The following RARB variants were observed in gnomAD, a reference collection of about 807,000 sequenced individuals.
RARB encodes HBV-activated protein.
RARB carries 17 observed loss-of-function variants against 51.9 expected under a neutral mutation model. That is an observed-to-expected ratio of 0.33 (90% CI 0.22 to 0.49). RARB has a LOEUF of 0.49. RARB is among the 20% of genes least tolerant of loss of function. The pLI is 0.99. For synonymous variants in RARB, 215 were observed against 195.4 expected, an observed-to-expected ratio of 1.10 and a Z score of -0.84; for missense variants, 369 against 550.8, an observed-to-expected ratio of 0.67 and a Z score of 3.30.
intron 2 of RARB, among the ~76,000 whole-genome samples, chr3:24,865,795 C>T (rs924130317): frequency 6.6e-6 from 1 of 152,170 alleles, no homozygotes; most frequent in Non-Finnish European, 1.5e-5. Flanking sequence ...TCTATTGCAG[C>T]ATGAATGGGT....
chr3:25,230,810 G>A (rs1270277821), intron 5 of RARB, among the ~76,000 whole-genome samples: 1 of 152,006 alleles, frequency 6.6e-6, no homozygotes, highest in Non-Finnish European at 1.5e-5. Context: ...CTAGCCACTT[G>A]TAGCTATTGA....
intron 3 of RARB, among the ~76,000 whole-genome samples, chr3:25,568,085 G>T (rs1700570433): frequency 6.6e-6 from 1 of 152,180 alleles, no homozygotes; most frequent in Non-Finnish European, 1.5e-5. Context: ...GGGCCAGTCT[G>T]CACTGGGAAA....
intron 5 of RARB, among the ~76,000 whole-genome samples, chr3:25,581,982 G>A (rs150615670): frequency 1.3e-5 from 2 of 152,140 alleles, no homozygotes; most frequent in Non-Finnish European, 1.5e-5. Flanking sequence ...GGTCACAGAT[G>A]GGGGTGGTGC....
chr3:25,050,758 C>G (rs1342782280), intron 2 of RARB, among the ~76,000 whole-genome samples: 2 of 152,184 alleles, frequency 1.3e-5, no homozygotes, highest in Non-Finnish European at 2.9e-5. Flanking sequence ...CTCCCCCATT[C>G]TCCAATATAG....
chr3:25,202,081 G>A (rs1701407141), intron 5 of RARB, among the ~76,000 whole-genome samples: 1 of 152,104 alleles, frequency 6.6e-6, no homozygotes, highest in Non-Finnish European at 1.5e-5. Context: ...TTTTTGGTTG[G>A]TAAGCTATTA....
At chr3:25,159,132 CAAG>C (rs1700429855) in intron 4 of RARB, among the ~76,000 whole-genome samples, 1 of 148,604 alleles carries the variant, frequency 6.7e-6, no homozygotes, top group Non-Finnish European at 1.5e-5. Flanking sequence ...TGATTTCTCC[CAAG>C]AAAACTGTTC....
chr3:25,397,617 T>A (rs1278415422), intron 5 of RARB, among the ~76,000 whole-genome samples: 1 of 152,206 alleles, frequency 6.6e-6, no homozygotes, highest in Non-Finnish European at 1.5e-5. Flanking sequence ...GTACTTTGCT[T>A]TTTAAAACCC....
intron 2 of RARB, among the ~76,000 whole-genome samples, chr3:24,958,400 A>G (rs1208482236): frequency 6.8e-6 from 1 of 146,898 alleles, no homozygotes; most frequent in South Asian, 2.1e-4. Flanking sequence ...TCTGTTCTTA[A>G]TTAGTCATTT....
chr3:25,149,499 G>A (rs56756419), intron 4 of RARB, among the ~76,000 whole-genome samples: 1,588 of 152,300 alleles, frequency 0.01, 31 homozygotes, highest in African/African-American at 0.036. Context: ...GCTCACAAAC[G>A]CATTGCCAAA....
intron 2 of RARB, among the ~76,000 whole-genome samples, chr3:24,968,182 C>G (rs75390874): frequency 4.6e-5 from 7 of 152,126 alleles, no homozygotes; most frequent in Non-Finnish European, 8.8e-5. Context: ...GGCAATTAAG[C>G]ATGTGCTACA....
intron 3 of RARB, among the ~76,000 whole-genome samples, chr3:25,504,783 T>A (rs2125611174): frequency 6.8e-6 from 1 of 146,944 alleles, no homozygotes; most frequent in East Asian, 1.9e-4. Flanking sequence ...TTTTTTTTTT[T>A]TTTTTTTTGT....
intron 4 of RARB, among the ~76,000 whole-genome samples, chr3:25,570,718 T>C (rs1700675111): frequency 2.0e-5 from 3 of 152,216 alleles, no homozygotes; most frequent in Non-Finnish European, 4.4e-5. Context: ...TTCTAACTTG[T>C]GGCATGTAAT....
At chr3:25,557,848 A>G (rs1026161718) in intron 3 of RARB, among the ~76,000 whole-genome samples, 1 of 152,132 alleles carries the variant, frequency 6.6e-6, no homozygotes, top group Admixed American at 6.6e-5. Flanking sequence ...CAGAACTGCA[A>G]GCCTCACCCT....
At chr3:25,122,672 A>G (rs1166062556) in intron 3 of RARB, among the ~76,000 whole-genome samples, 1 of 152,112 alleles carries the variant, frequency 6.6e-6, no homozygotes, top group East Asian at 1.9e-4. Flanking sequence ...TCTTGGTTAA[A>G]TGGTCTTAAG....
chr3:24,890,907 T>C (rs1703364707), intron 2 of RARB, among the ~76,000 whole-genome samples: 2 of 152,186 alleles, frequency 1.3e-5, no homozygotes. Context: ...TTGGGCAAAT[T>C]ACTTTGTTAA....
chr3:25,490,014 T>A (rs1212980202), intron 2 of RARB, among the ~76,000 whole-genome samples: 1 of 152,196 alleles, frequency 6.6e-6, no homozygotes, highest in Non-Finnish European at 1.5e-5. Context: ...TTAGTGAGAT[T>A]TTTGCACTGT....
At chr3:25,486,734 G>T (rs1389903468) in intron 2 of RARB, among the ~76,000 whole-genome samples, 2 of 152,006 alleles carry the variant, frequency 1.3e-5, no homozygotes, top group Non-Finnish European at 2.9e-5. Flanking sequence ...TACTTTTTTG[G>T]CTACATTCTG....
chr3:25,569,332 T>C (rs1287894071), intron 3 of RARB, among the ~76,000 whole-genome samples: 1 of 152,204 alleles, frequency 6.6e-6, no homozygotes, highest in Non-Finnish European at 1.5e-5. Context: ...AATGTGTAGC[T>C]AGGAAATACT....
intron 5 of RARB, among the ~76,000 whole-genome samples, chr3:25,418,046 A>C (rs1707755202): frequency 6.6e-6 from 1 of 152,158 alleles, no homozygotes; most frequent in Non-Finnish European, 1.5e-5. Context: ...CAAGATAGCA[A>C]GTGGAAGGTG....
Sources: allele counts gnomAD v4.1 joint callset (sites outside exome capture counted in the v4.1 genomes callset), GRCh38; gene constraint gnomAD v4.1.1; transcripts MANE v1.5; gene names NCBI Gene and HGNC (gene_info 2026-07-23, HGNC 2026-07-21).